Variants in FOXP1 observed in about 807,000 individuals in gnomAD.
FOXP1 encodes forkhead box P1, also known as forkhead box protein P1.
Under a neutral mutation model 98.2 loss-of-function variants are expected in FOXP1, and 15 were observed. The observed-to-expected ratio is 0.15, with a 90% confidence interval of 0.10 to 0.24. The LOEUF is 0.24. Among genes scored for constraint, FOXP1 ranks in the 10% least tolerant of loss-of-function variants. The pLI is 1.00. For missense variants in FOXP1, 633 were observed against 848.5 expected, an observed-to-expected ratio of 0.75 and a Z score of 3.15; for synonymous variants, 371 against 314.5, an observed-to-expected ratio of 1.18 and a Z score of -1.90.
In FOXP1 at chr3:71,015,043, A is replaced by C. The variant is rs545235113; in HGVS notation, c.974+506T>G. On this transcript the variant is annotated intron_variant, in intron 12 of 20. Transcript: ENST00000649528. ...GCATTAGGAGATACACTTAATGTAAATGAGGAATGGGTGCAGCACACCAAC... is the reference window on the plus strand; with the variant it reads ...GCATTAGGAGATACACTTAATGTAACTGAGGAATGGGTGCAGCACACCAAC... 2.1e-4 allele frequency among the ~76,000 whole-genome samples: 32 copies of C among 152,072 alleles called. No homozygotes were observed. In the East Asian group the frequency reaches 6.2e-3, roughly 29 times the overall value.
rs1051572288 is a variant in FOXP1 at position 71,240,370 on chromosome 3, GGC to G, written c.-11-41980_-11-41979del. ...TGAAAAGGCACATGGCTGGTCTCCTGGCTCAAGCAGGGTAGCAGCGATGGGCC... is the reference window on the plus strand; with the variant it reads ...TGAAAAGGCACATGGCTGGTCTCCTGTCAAGCAGGGTAGCAGCGATGGGCC... On this transcript the variant is annotated intron_variant, in intron 5 of 20. Transcript: ENST00000649528. 1.4e-4 allele frequency among the ~76,000 whole-genome samples: 21 copies of G among 152,350 alleles called. No individual in the cohort carries two copies. In the East Asian group the frequency reaches 4.1e-3, roughly 29 times the overall value.
intron 4 of FOXP1, among the ~76,000 whole-genome samples, chr3:71,344,631 G>A (rs1044315618): frequency 6.6e-6 from 1 of 151,768 alleles, no homozygotes; most frequent in African/African-American, 2.4e-5. Context: ...GAGGTCAGGA[G>A]TTTGAGACCA....
intron 3 of FOXP1, among the ~76,000 whole-genome samples, chr3:71,437,209 C>G (rs1360692510): frequency 1.3e-5 from 2 of 152,092 alleles, no homozygotes; most frequent in Non-Finnish European, 2.9e-5. Flanking sequence ...GAGTTCGAGA[C>G]CAACCTGGGC....
chr3:71,515,310 T>C (rs2042484933), intron 2 of FOXP1, among the ~76,000 whole-genome samples: 2 of 151,678 alleles, frequency 1.3e-5, no homozygotes, highest in South Asian at 4.2e-4. Flanking sequence ...TTCTGAATCT[T>C]AAGCTCACAT....
At chr3:71,581,401 G>C in intron 2 of FOXP1, 148 bp downstream of exon 2, 1 of 985,472 alleles carries the variant, frequency 1.0e-6, no homozygotes, top group Non-Finnish European at 1.2e-6. Context: ...GCACCTACCG[G>C]CCTGAGGATG....
intron 3 of FOXP1, among the ~76,000 whole-genome samples, chr3:71,387,043 C>T (rs1445290401): frequency 2.0e-5 from 3 of 152,132 alleles, no homozygotes; most frequent in Non-Finnish European, 4.4e-5. Context: ...GATTTTTAGA[C>T]TTTGTTGCTT....
intron 3 of FOXP1, among the ~76,000 whole-genome samples, chr3:71,489,847 A>C (rs1257863510): frequency 6.6e-6 from 1 of 152,230 alleles, no homozygotes; most frequent in East Asian, 1.9e-4. Context: ...CTATCTGTGC[A>C]AACCTTTTAT....
At chr3:71,026,062 A>G (rs2046074820) in intron 11 of FOXP1, among the ~76,000 whole-genome samples, 1 of 152,220 alleles carries the variant, frequency 6.6e-6, no homozygotes, top group Non-Finnish European at 1.5e-5. Context: ...AACCTATGAA[A>G]ACATACCAAC....
At chr3:71,358,264 C>T (rs1162328026) in intron 4 of FOXP1, among the ~76,000 whole-genome samples, 5 of 152,134 alleles carry the variant, frequency 3.3e-5, no homozygotes, top group East Asian at 1.9e-4. Context: ...ATAATCTACC[C>T]GCATATCCCT....
chr3:71,220,203 G>C (rs968099424), intron 5 of FOXP1, among the ~76,000 whole-genome samples: 3 of 152,200 alleles, frequency 2.0e-5, no homozygotes, highest in East Asian at 3.8e-4. Context: ...CAGGCAGTTT[G>C]ATAAATAATT....
intron 11 of FOXP1, among the ~76,000 whole-genome samples, chr3:71,022,325 A>C (rs2045558370): frequency 6.6e-6 from 1 of 152,200 alleles, no homozygotes; most frequent in African/African-American, 2.4e-5. Flanking sequence ...TCCCCAACAT[A>C]CTGCTCATGT....
At chr3:71,056,930 C>G (rs1434075276) in intron 7 of FOXP1, among the ~76,000 whole-genome samples, 20 of 152,130 alleles carry the variant, frequency 1.3e-4, no homozygotes, top group Non-Finnish European at 1.0e-4. Flanking sequence ...TAGCTAGTCC[C>G]TACTAACACT....
intron 4 of FOXP1, among the ~76,000 whole-genome samples, chr3:71,330,649 T>C (rs1236966584): frequency 6.6e-6 from 1 of 152,210 alleles, no homozygotes; most frequent in Non-Finnish European, 1.5e-5. Flanking sequence ...GAGTGCCCAA[T>C]AATAGTAGAT....
At chr3:71,502,239 C>T (rs542383737) in intron 2 of FOXP1, among the ~76,000 whole-genome samples, 2 of 152,348 alleles carry the variant, frequency 1.3e-5, no homozygotes, top group East Asian at 3.9e-4. Flanking sequence ...ACAAGGCAGG[C>T]CCCCTGCTAG....
At chr3:71,266,645 A>C (rs1034112553) in intron 5 of FOXP1, among the ~76,000 whole-genome samples, 1 of 152,144 alleles carries the variant, frequency 6.6e-6, no homozygotes, top group African/African-American at 2.4e-5. Flanking sequence ...TTATTGCATA[A>C]TGCTGAAGTT....
intron 2 of FOXP1, among the ~76,000 whole-genome samples, chr3:71,511,119 T>A (rs757861184): frequency 6.6e-6 from 1 of 152,200 alleles, no homozygotes; most frequent in Non-Finnish European, 1.5e-5. Flanking sequence ...AAATAGTGTA[T>A]GTTAAATAAG....
At position 71,113,131 on chromosome 3, in the gene FOXP1, A is replaced by T. The variant is rs115690609; in HGVS notation, c.181-494T>A. Reference sequence around the variant, plus strand: ...AACTAAGTGGTGGACCACAAAAAAAAATATACTATGGATTAGGCTACGTAG... The same window carrying T: ...AACTAAGTGGTGGACCACAAAAAAATATATACTATGGATTAGGCTACGTAG... On this transcript the variant is annotated intron_variant, in intron 6 of 20. Coordinates refer to ENST00000649528, the MANE Select transcript of FOXP1 (RefSeq NM_001349338.3). 6.5e-3 allele frequency among the ~76,000 whole-genome samples: 994 copies of T among 152,302 alleles called. 14 individuals are homozygous for T. The highest frequency in any genetic ancestry group is 0.023 in the African/African-American group (938 of 41,570).
intron 6 of FOXP1, among the ~76,000 whole-genome samples, chr3:71,127,334 T>C (rs1356972080): frequency 6.6e-6 from 1 of 152,246 alleles, no homozygotes; most frequent in Non-Finnish European, 1.5e-5. Context: ...TGTATCTGTT[T>C]CTTCACAAAG....
chr3:71,312,625 G>A (rs919828023), intron 4 of FOXP1, among the ~76,000 whole-genome samples: 2 of 152,222 alleles, frequency 1.3e-5, no homozygotes, highest in Non-Finnish European at 2.9e-5. Context: ...GGAATTCAAG[G>A]CTGCAGTGAG....
Sources: allele counts gnomAD v4.1 joint callset (sites outside exome capture counted in the v4.1 genomes callset), GRCh38; gene constraint gnomAD v4.1.1; transcripts MANE v1.5; gene names NCBI Gene and HGNC (gene_info 2026-07-23, HGNC 2026-07-21).